Variants in MAN2A2 observed in about 807,000 individuals in gnomAD.
The protein encoded by MAN2A2 is mannosidase alpha class 2A member 2.
Under a neutral mutation model 126.8 loss-of-function variants are expected in MAN2A2, and 79 were observed. The ratio of observed to expected loss-of-function variants is 0.62; its 90% CI spans 0.52 to 0.75. The LOEUF (loss-of-function observed/expected upper bound fraction) is 0.75. MAN2A2 is among the 30% of genes least tolerant of loss of function. The probability of loss-of-function intolerance (pLI) is 0.00; values close to 1 mark genes in which losing one functional copy is unlikely to be tolerated. For missense variants in MAN2A2, 1,392 were observed against 1,522.4 expected (o/e 0.91, Z 1.43); for synonymous variants, 671 against 618.7 (o/e 1.08, Z -1.25).
Position 90,911,532 on chromosome 15 carries a change from GGTCCCTGAC to G in MAN2A2, c.2095_2103del (p.Pro699_Val701del), listed in dbSNP as rs1567125714. The G allele has an allele frequency of 1.9e-6, 3 of 1,612,580 alleles. No individual in the cohort carries two copies. The highest frequency in any genetic ancestry group is 1.7e-6 in the Non-Finnish European group (2 of 1,179,428). ...CACACTGGAGCTCTGCCACCGAGGC[GGTCCCTGAC>G]GTCTACCAGGTGAGGTGTGGGCTTG... On this transcript the variant is annotated inframe_deletion, in exon 14 of 23. Transcript: ENST00000559717.
chr15:90,907,245 T>G, intron 7 of MAN2A2, 64 bp from the exon 8 acceptor site: 1 of 1,518,354 alleles, frequency 6.6e-7, no homozygotes, highest in Non-Finnish European at 9.1e-7. Flanking sequence ...CCTGAACAGA[T>G]CCTTGCCCCC....
chr15:90,906,577 A>AG (rs1161973270), intron 6 of MAN2A2, 80 bp downstream of exon 6: 2 of 1,605,696 alleles, frequency 1.2e-6, no homozygotes, highest in African/African-American at 2.7e-5. Flanking sequence ...AGGGATCGGC[A>AG]GGGGGTGGTT....
intron 15 of MAN2A2, 26 bp downstream of exon 15, chr15:90,912,305 G>T: frequency 1.2e-6 from 2 of 1,611,412 alleles, no homozygotes; most frequent in Non-Finnish European, 1.7e-6. Context: ...GGTGGGGAAG[G>T]GCCAGGGGCC....
chr15:90,909,381 C>T lies in MAN2A2; in HGVS notation c.1251C>T (p.Asn417=), dbSNP rs779129942. 8.1e-6 allele frequency: 13 copies of T among 1,613,924 alleles called. No homozygotes were observed. The highest frequency in any genetic ancestry group is 3.3e-5 in the Admixed American group (2 of 60,002). The change falls in exon 9 of 23, where the codon AAC becomes AAT. Residue 417 remains asparagine (N), a synonymous_variant. Coordinates refer to ENST00000559717, the MANE Select transcript of MAN2A2 (RefSeq NM_006122.4). The part of the protein sequence containing the change: ...YRKKSQLFRS[N]VLLVPLGDDF... ...AGAAGTCCCAGCTGTTCCGAAGCAA[C>T]GTCCTCCTGGTGCCTCTTGGAGATG...
rs1293128270 is a variant in MAN2A2 at position 90,910,591 on chromosome 15, G to A, written c.1668G>A (p.Leu556=). The A allele has an allele frequency of 2.5e-6, 4 of 1,614,200 alleles. No homozygotes were observed. Among genetic ancestry groups the A allele is most frequent in the Admixed American group, 3.3e-5 (2 of 60,028 alleles). Residue 556 remains leucine, a synonymous_variant, in exon 11 of 23, where the codon CTG becomes CTA. Transcript: ENST00000559717. ...GRYPLSDFTL[L]TEARRTLGLF... Reference sequence around the variant, plus strand: ...ACCCACTGTCTGATTTCACCCTCCTGACGGAAGCTCGGCGCACATTGGGGC... The same window carrying A: ...ACCCACTGTCTGATTTCACCCTCCTAACGGAAGCTCGGCGCACATTGGGGC...
In MAN2A2 at chr15:90,909,360, G is replaced by A. The variant is rs1174579178; in HGVS notation, c.1230G>A (p.Lys410=). 1.2e-6 allele frequency: 2 copies of A among 1,613,836 alleles called. No individual in the cohort carries two copies. Among genetic ancestry groups the A allele is most frequent in the Non-Finnish European group, 1.7e-6 (2 of 1,179,752 alleles). ...AALLLDQYRK[K]SQLFRSNVLL... Reference sequence around the variant, plus strand: ...TGCTTCTGGACCAATACCGGAAGAAGTCCCAGCTGTTCCGAAGCAACGTCC... The same window carrying A: ...TGCTTCTGGACCAATACCGGAAGAAATCCCAGCTGTTCCGAAGCAACGTCC... The change falls in exon 9 of 23, where the codon AAG becomes AAA. Residue 410 remains lysine, a synonymous_variant. Coordinates refer to ENST00000559717, the MANE Select transcript of MAN2A2 (RefSeq NM_006122.4).
At chr15:90,919,429 G>C (rs1200443897) in intron 22 of MAN2A2, among the ~76,000 whole-genome samples, 2 of 152,226 alleles carry the variant, frequency 1.3e-5, no homozygotes, top group African/African-American at 4.8e-5. Flanking sequence ...AGTAGAGACG[G>C]GGTTTCGCCA....
chr15:90,902,769 C>CCGCGCGGGGCCGGCGCAGCGGAG (rs1334424306), upstream of MAN2A2: 1 of 146,290 alleles, frequency 6.8e-6, no homozygotes, highest in Non-Finnish European at 1.5e-5. Context: ...GCTGGCGGAC[C>CCGCGCGGGGCCGGCGCAGCGGAG]CGCGCGGGGC....
chr15:90,904,332 T>TC lies in MAN2A2; in HGVS notation c.130dup (p.Arg44ProfsTer12), dbSNP rs1291457382. ...ACCCGACACCAGAATGGTGGGAACT[T>TC]CCCCCGGGTGAGTCGTGCCTGGTTG... On this transcript the variant is annotated frameshift_variant, in exon 2 of 23. Coordinates refer to ENST00000559717, the MANE Select transcript of MAN2A2 (RefSeq NM_006122.4). LOFTEE classifies it high-confidence loss of function. 3 of 1,613,476 alleles carry TC rather than the reference T, an allele frequency of 1.9e-6. No individual in the cohort carries two copies. The highest frequency in any genetic ancestry group is 2.5e-6 in the Non-Finnish European group (3 of 1,179,558).
chr15:90,906,843 A>G lies in MAN2A2; in HGVS notation c.939A>G (p.Arg313=). The G allele has an allele frequency of 6.2e-7, 1 of 1,614,086 alleles. No individual in the cohort carries two copies. ...RANLTSMLIQ[R]VHYAIKKHFA... is the part of the protein sequence containing the mutation. ...ACCTCACCAGCATGCTGATTCAGAGAGTGCACTATGCCATCAAGAAGCACT... is the reference window on the plus strand; with the variant it reads ...ACCTCACCAGCATGCTGATTCAGAGGGTGCACTATGCCATCAAGAAGCACT... Residue 313 remains arginine (R), a synonymous_variant, in exon 7 of 23, where the codon AGA becomes AGG. Transcript: ENST00000559717.
At chr15:90,912,448 C>A in intron 15 of MAN2A2, 94 bp from the exon 16 acceptor site, 2 of 1,592,402 alleles carry the variant, frequency 1.3e-6, no homozygotes, top group South Asian at 1.1e-5. Context: ...GGAAGCAGGG[C>A]ACGGCTCCTT....
At chr15:90,918,574 C>A in intron 21 of MAN2A2, 71 bp from the exon 22 acceptor site, 1 of 1,268,950 alleles carries the variant, frequency 7.9e-7, no homozygotes, top group Non-Finnish European at 1.1e-6. Flanking sequence ...TGCCTCTGGG[C>A]AGAGGCGCTG....
Position 90,909,327 on chromosome 15 carries a change from G to T in MAN2A2, c.1197G>T (p.Arg399Ser), listed in dbSNP as rs773435562. The T allele has an allele frequency of 1.9e-6, 3 of 1,606,546 alleles. No homozygotes were observed. In the South Asian group the frequency reaches 3.3e-5, roughly 18 times the overall value. The stretch of plus-strand genomic sequence containing the variant: ...GCCCATGTTTTTTTTCCTGCCCCAG[G>T]GCAGCCCTGCTTCTGGACCAATACC... Reference protein sequence around the residue: ...RAITEANVAERAALLLDQYRK... With the variant: ...RAITEANVAESAALLLDQYRK... The change falls in exon 9 of 23, where the codon AGG (arginine) becomes AGT (serine). Residue 399 changes from arginine to serine, a missense_variant and splice_region_variant. Physicochemically the swap from Arg to Ser is moderately radical, Grantham distance 110. Transcript: ENST00000559717.
rs780277310 is a variant in MAN2A2 at position 90,912,303 on chromosome 15, A to T, written c.2346+24A>T. The stretch of plus-strand genomic sequence containing the variant: ...AGGTAAAAGGCCAGGGTGGTGGGGA[A>T]GGGCCAGGGGCCAGAGTAGGGCGTG... On this transcript the variant is annotated intron_variant, in intron 15 of 22. Transcript: ENST00000559717. The T allele has an allele frequency of 1.1e-5, 17 of 1,611,982 alleles. No homozygotes were observed. In the East Asian group the frequency reaches 3.8e-4, roughly 36 times the overall value.
At chr15:90,913,902 G>A (rs1490226211) in intron 19 of MAN2A2, 147 bp downstream of exon 19, 2 of 1,124,510 alleles carry the variant, frequency 1.8e-6, no homozygotes, top group African/African-American at 1.6e-5. Context: ...GCCATTCAGA[G>A]CTCTTGGCAC....
Position 90,918,751 on chromosome 15 carries a change from G to A in MAN2A2, c.3296G>A (p.Gly1099Asp). Residue 1099 changes from glycine to aspartate, a missense_variant, in exon 22 of 23, where the codon GGC becomes GAC. By Grantham distance (94) the Gly-to-Asp change is moderately conservative. Coordinates refer to ENST00000559717, the MANE Select transcript of MAN2A2 (RefSeq NM_006122.4). ...NLGFNCTTSQ[G>D]KVALGSLFHG... ...GGCTTCAACTGCACCACAAGCCAAG[G>A]CAAGGTGAGTAGGGTGGGGAAACAG... 1 of 1,520,742 alleles carries A rather than the reference G, an allele frequency of 6.6e-7. No individual in the cohort carries two copies. The highest frequency in any genetic ancestry group is 9.1e-7 in the Non-Finnish European group (1 of 1,095,832). The allele number at this position is 1,520,742 out of a possible 1,614,324, so 94.2% of individuals were successfully genotyped here. A position where few individuals can be genotyped will look rare whatever the true frequency, so the allele number is the denominator to read the frequency against.
Position 90,919,625 on chromosome 15 carries a change from C to A in MAN2A2, c.3301-10C>A, listed in dbSNP as rs748653083. On this transcript the variant is annotated splice_polypyrimidine_tract_variant and intron_variant, in intron 22 of 22. Transcript: ENST00000559717. ...CTAGCACAACCCTGCCCCTTCTCTGCTCTCCACAGGTAGCCCTGGGCAGCC... is the reference window on the plus strand; with the variant it reads ...CTAGCACAACCCTGCCCCTTCTCTGATCTCCACAGGTAGCCCTGGGCAGCC... 1.2e-6 allele frequency: 2 copies of A among 1,613,702 alleles called. No homozygotes were observed. The highest frequency in any genetic ancestry group is 1.1e-5 in the South Asian group (1 of 91,056).
chr15:90,904,187 C>G lies in MAN2A2; in HGVS notation c.-18-3C>G. 6.2e-7 allele frequency: 1 copy of G among 1,614,138 alleles called. No individual in the cohort carries two copies. The highest frequency in any genetic ancestry group is 8.5e-7 in the Non-Finnish European group (1 of 1,179,994). Reference sequence around the variant, plus strand: ...GAGCTACAGATGGTGTCCTTCCTGCCAGGTGTGTGTGGAGGCCAGTATGAA... The same window carrying G: ...GAGCTACAGATGGTGTCCTTCCTGCGAGGTGTGTGTGGAGGCCAGTATGAA... On this transcript the variant is annotated splice_region_variant and splice_polypyrimidine_tract_variant and intron_variant, in intron 1 of 22. Transcript: ENST00000559717.
At chr15:90,910,438 G>A in intron 10 of MAN2A2, 63 bp from the exon 11 acceptor site, 7 of 1,593,532 alleles carry the variant, frequency 4.4e-6, no homozygotes, top group Non-Finnish European at 6.0e-6. Flanking sequence ...GGCTGCACTG[G>A]CAGAGTGTGG....
Sources: gnomAD v4.1 joint callset for allele counts (sites outside exome capture counted in the v4.1 genomes callset) on GRCh38, gnomAD v4.1.1 for gene constraint, MANE v1.5 for transcripts, NCBI Gene and HGNC (gene_info 2026-07-23, HGNC 2026-07-21) for gene names.